The following GFI1 variants were observed in gnomAD, a reference collection of about 807,000 sequenced individuals.
The protein encoded by GFI1 is zinc finger protein Gfi-1.
In GFI1, 15 loss-of-function variants were observed where a neutral mutation model predicts 39.2. That is an observed-to-expected ratio of 0.38 (90% CI 0.26 to 0.59). The LOEUF (loss-of-function observed/expected upper bound fraction) is 0.59. GFI1 is among the 20% of genes least tolerant of loss of function. The pLI is 0.62. For missense variants in GFI1, 475 were observed against 574.0 expected, an observed-to-expected ratio of 0.83 and a Z score of 1.76; for synonymous variants, 239 against 254.3, an observed-to-expected ratio of 0.94 and a Z score of 0.57.
At position 92,475,690 on chromosome 1, in the gene GFI1, A is replaced by G. The variant is rs1657927254; in HGVS notation, c.*339T>C. ...ACCTGAAGGGCATTCCTGTCTGTAG[A>G]TTAGGGCTGGAAATGGGAAGGACTG... On this transcript the variant is annotated 3_prime_UTR_variant, in exon 7 of 7. Transcript: ENST00000294702. 5.5e-6 allele frequency: 2 copies of G among 362,540 alleles called. No individual in the cohort carries two copies. Among genetic ancestry groups the G allele is most frequent in the Non-Finnish European group, 1.1e-5 (2 of 190,076 alleles). 22.5% of individuals were successfully genotyped at this position (362,540 alleles called of 1,614,324 possible).
intron 6 of GFI1, 33 bp downstream of exon 6, chr1:92,478,555 G>A (rs1412204143): frequency 1.9e-6 from 3 of 1,598,054 alleles, no homozygotes; most frequent in Non-Finnish European, 2.6e-6. Context: ...GCCTCAGGGT[G>A]TTTCCTACAA....
Position 92,480,963 on chromosome 1 carries a change from A to G in GFI1, c.424T>C (p.Cys142Arg), listed in dbSNP as rs770715588. The G allele has an allele frequency of 1.9e-6, 3 of 1,596,060 alleles. No individual in the cohort carries two copies. The highest frequency in any genetic ancestry group is 1.1e-5 in the South Asian group (1 of 88,622). Residue 142 changes from cysteine (C) to arginine (R), a missense_variant, in exon 4 of 7, where the codon TGT (cysteine) becomes CGT (arginine). Around this residue, in one of 4 missense-constraint regions of GFI1, gnomAD observed 275 missense variants for 275.8 expected, o/e 1.00. Coordinates refer to ENST00000294702, the MANE Select transcript of GFI1 (RefSeq NM_005263.5). This position sits in a 1 kb window ranked among gnomAD's most constrained non-coding sequence, Gnocchi z 5.6. ...LRHLVQSYRP[C>R]GALERGAGLG... ...CCAGCGCCACGCTCCAGGGCCCCACACGGTCGGTAGCTCTGCACCAGGTGC... is the reference window on the plus strand; with the variant it reads ...CCAGCGCCACGCTCCAGGGCCCCACGCGGTCGGTAGCTCTGCACCAGGTGC...
At chr1:92,483,139 A>G in intron 2 of GFI1, 93 bp from the exon 3 acceptor site, 1 of 1,212,368 alleles carries the variant, frequency 8.2e-7, no homozygotes, top group South Asian at 1.5e-5. Context: ...AGGGCAGCCG[A>G]GCGTCTTCCC....
intron 2 of GFI1, 148 bp downstream of exon 2, chr1:92,483,225 C>G: frequency 1.4e-6 from 1 of 730,630 alleles, no homozygotes; most frequent in Non-Finnish European, 2.3e-6. Flanking sequence ...ACCTAGGAGA[C>G]AAACCCGGAG....
At chr1:92,478,023 AAGG>A (rs1348871935) in intron 6 of GFI1, among the ~76,000 whole-genome samples, 1 of 152,172 alleles carries the variant, frequency 6.6e-6, no homozygotes, top group East Asian at 1.9e-4. Context: ...AAATGGGGAG[AAGG>A]AGTAGTCGCT....
At chr1:92,486,274 G>A (rs1477555008) in intron 1 of GFI1, among the ~76,000 whole-genome samples, 1 of 152,126 alleles carries the variant, frequency 6.6e-6, no homozygotes, top group Non-Finnish European at 1.5e-5. Flanking sequence ...GGCCTTTCCA[G>A]CCCGTCCCGC....
rs1657826527 is a variant in GFI1 at position 92,473,670 on chromosome 1, CTG to C, written c.*2357_*2358del. The stretch of plus-strand genomic sequence containing the variant: ...ATTCAAGCCCCCCTTTCCTGCCAAC[CTG>C]GAGAGAAAGTCGTGTGGATTCTATT... On this transcript the variant is annotated 3_prime_UTR_variant, in exon 7 of 7. Transcript: ENST00000294702. 6.6e-6 allele frequency among the ~76,000 whole-genome samples: 1 copy of C among 152,164 alleles called. No homozygotes were observed. Among genetic ancestry groups the C allele is most frequent in the Admixed American group, 6.5e-5 (1 of 15,272 alleles).
chr1:92,480,275 G>C lies in GFI1; in HGVS notation c.924+73C>G, dbSNP rs1658159124. The C allele has an allele frequency of 7.4e-6, 11 of 1,482,766 alleles. No homozygotes were observed. Among genetic ancestry groups the C allele is most frequent in the Non-Finnish European group, 1.0e-5 (11 of 1,098,148 alleles). 91.9% of individuals were successfully genotyped at this position (1,482,766 alleles called of 1,614,324 possible). The stretch of plus-strand genomic sequence containing the variant: ...AGGAGAAAACTTCCAGGCAGAGAGT[G>C]GCTGGTGCTGCACCGAGGAGATGCA... On this transcript the variant is annotated intron_variant, in intron 5 of 6. Coordinates refer to ENST00000294702, the MANE Select transcript of GFI1 (RefSeq NM_005263.5). This position sits in a 1 kb window ranked among gnomAD's most constrained non-coding sequence, Gnocchi z 5.6.
At chr1:92,485,079 A>T (rs1325613220) in intron 1 of GFI1, among the ~76,000 whole-genome samples, 1 of 152,004 alleles carries the variant, frequency 6.6e-6, no homozygotes, top group East Asian at 1.9e-4. Flanking sequence ...CCCCAGCCCC[A>T]TTGTGTCCCC....
At position 92,480,933 on chromosome 1, in the gene GFI1, C is replaced by T; in HGVS notation, c.454G>A (p.Gly152Ser). ...CGALERGAGL[G>S]LFCEPAPEPG... ...TCCGGGGCGGGTTCGCAGAAGAGGC[C>T]CAGGCCAGCGCCACGCTCCAGGGCC... The change falls in exon 4 of 7, where the codon GGC (glycine) becomes AGC (serine). Residue 152 changes from glycine (G) to serine (S), a missense_variant. Coordinates refer to ENST00000294702, the MANE Select transcript of GFI1 (RefSeq NM_005263.5). This position sits in a 1 kb window ranked among gnomAD's most constrained non-coding sequence, Gnocchi z 5.6. 6 of 1,568,238 alleles carry T rather than the reference C, an allele frequency of 3.8e-6. No individual in the cohort carries two copies. Among genetic ancestry groups the T allele is most frequent in the Non-Finnish European group, 5.2e-6 (6 of 1,157,698 alleles).
intron 6 of GFI1, among the ~76,000 whole-genome samples, chr1:92,477,318 CT>C (rs1278577934): frequency 1.3e-5 from 2 of 152,142 alleles, no homozygotes; most frequent in African/African-American, 4.8e-5. Context: ...TCCTGAATAC[CT>C]TACTTATAAG....
rs1658179962 is a variant in GFI1 at position 92,480,547 on chromosome 1, C to A, written c.786+54G>T. On this transcript the variant is annotated intron_variant, in intron 4 of 6. Coordinates refer to ENST00000294702, the MANE Select transcript of GFI1 (RefSeq NM_005263.5). This position sits in a 1 kb window ranked among gnomAD's most constrained non-coding sequence, Gnocchi z 5.6. The stretch of plus-strand genomic sequence containing the variant: ...GGGGCCGCGGGGCGCAGGCGAGGCG[C>A]GGGTAGGGGAAGCGGGCGCACGGCA... The A allele has an allele frequency of 2.6e-6, 4 of 1,544,478 alleles. No individual in the cohort carries two copies. The highest frequency in any genetic ancestry group is 2.7e-5 in the African/African-American group (2 of 72,938).
intron 6 of GFI1, 74 bp downstream of exon 6, chr1:92,478,514 G>T: frequency 7.6e-7 from 1 of 1,317,914 alleles, no homozygotes; most frequent in Non-Finnish European, 1.1e-6. Flanking sequence ...CACTCACTGG[G>T]GCCAGAAATC....
chr1:92,483,793 A>T (rs1192135102), intron 1 of GFI1: 1 of 432,846 alleles, frequency 2.3e-6, no homozygotes. Flanking sequence ...CGCCACTGAC[A>T]CAGCTCAGCG....
rs931027837 is a variant in GFI1, at chr1:92,484,242, A to G, written c.-99-656T>C. Among the ~76,000 whole-genome samples, 1 of 152,184 alleles carries G rather than the reference A, an allele frequency of 6.6e-6. No individual in the cohort carries two copies. The highest frequency in any genetic ancestry group is 1.5e-5 in the Non-Finnish European group (1 of 68,018). The stretch of plus-strand genomic sequence containing the variant: ...GGGACAGGAAAGTGAGGGGAACAAC[A>G]GACGACCAACCCCCGCCCCAGGAGA... On this transcript the variant is annotated intron_variant, in intron 1 of 6. Transcript: ENST00000294702. The surrounding 1 kb of genome is among the most constrained non-coding windows in gnomAD (Gnocchi z 4.1).
At position 92,474,022 on chromosome 1, in the gene GFI1, T is replaced by C. The variant is rs1444262998; in HGVS notation, c.*2007A>G. Reference sequence around the variant, plus strand: ...GCTGGTTCTCACCATGGGGCATGCATACCCTGAATGTCTGGCTGGGAGGTG... The same window carrying C: ...GCTGGTTCTCACCATGGGGCATGCACACCCTGAATGTCTGGCTGGGAGGTG... On this transcript the variant is annotated 3_prime_UTR_variant, in exon 7 of 7. Transcript: ENST00000294702. Among the ~76,000 whole-genome samples the C allele has an allele frequency of 6.6e-6, 1 of 152,244 alleles. No homozygotes were observed. Among genetic ancestry groups the C allele is most frequent in the Non-Finnish European group, 1.5e-5 (1 of 68,040 alleles).
rs936881326 is a variant in GFI1, at chr1:92,480,565, G to A, written c.786+36C>T. The A allele has an allele frequency of 1.3e-6, 2 of 1,540,916 alleles. No individual in the cohort carries two copies. The highest frequency in any genetic ancestry group is 1.2e-5 in the South Asian group (1 of 83,990). ...CGAGGCGCGGGTAGGGGAAGCGGGC[G>A]CACGGCAGGCGAGGTGGTGAGCTCG... On this transcript the variant is annotated intron_variant, in intron 4 of 6. Coordinates refer to ENST00000294702, the MANE Select transcript of GFI1 (RefSeq NM_005263.5). This position sits in a 1 kb window ranked among gnomAD's most constrained non-coding sequence, Gnocchi z 5.6.
Position 92,475,582 on chromosome 1 carries a change from T to G in GFI1, c.*447A>C, listed in dbSNP as rs1379759761. 5.0e-6 allele frequency: 1 copy of G among 199,222 alleles called. No homozygotes were observed. Among genetic ancestry groups the G allele is most frequent in the East Asian group, 1.3e-4 (1 of 7,930 alleles). The allele number at this position is 199,222 out of a possible 1,614,324, so 12.3% of individuals were successfully genotyped here. ...TCACTCTTCTTTCTAGATAAAAATA[T>G]TAGCATTTGTCCACCTTGTAAATGG... On this transcript the variant is annotated 3_prime_UTR_variant, in exon 7 of 7. Transcript: ENST00000294702.
rs1557668717 is a variant in GFI1 at position 92,480,225 on chromosome 1, TG to T, written c.924+122del. On this transcript the variant is annotated intron_variant, in intron 5 of 6. Coordinates refer to ENST00000294702, the MANE Select transcript of GFI1 (RefSeq NM_005263.5). This position sits in a 1 kb window ranked among gnomAD's most constrained non-coding sequence, Gnocchi z 5.6. ...GGGCAAGGGGACGCAGCGGAGGGCT[TG>T]GGGGAGGAAACTGGGGGAAGTCGAG... 9.2e-7 allele frequency: 1 copy of T among 1,081,532 alleles called. No homozygotes were observed. Among genetic ancestry groups the T allele is most frequent in the East Asian group, 2.6e-5 (1 of 38,158 alleles). The allele number at this position is 1,081,532 out of a possible 1,614,324, so 67.0% of individuals were successfully genotyped here.
Sources: allele counts gnomAD v4.1 joint callset (sites outside exome capture counted in the v4.1 genomes callset), GRCh38; gene constraint gnomAD v4.1.1; regional missense constraint gnomAD v4.1.1; non-coding constraint Gnocchi (gnomAD v3.1); transcripts MANE v1.5; gene names NCBI Gene and HGNC (gene_info 2026-07-23, HGNC 2026-07-21).